SPECC1: variants seen among roughly 807,000 people sequenced by gnomAD.
The protein encoded by SPECC1 is cytospin-B.
Under a neutral mutation model 104.1 loss-of-function variants are expected in SPECC1, and 62 were observed. The ratio of observed to expected loss-of-function variants is 0.60; its 90% CI spans 0.49 to 0.74. The LOEUF is 0.74. Ranked by LOEUF, SPECC1 falls within the 30% of genes least tolerant of loss-of-function variation. The pLI, the probability that SPECC1 is intolerant of heterozygous loss-of-function variation, is 0.00. For synonymous variants in SPECC1, 513 were observed against 501.6 expected (o/e 1.02, Z -0.30); for missense variants, 1,306 against 1,310.5 (o/e 1.00, Z 0.05).
intron 3 of SPECC1, among the ~76,000 whole-genome samples, chr17:20,114,288 T>C (rs1437633352): frequency 2.6e-5 from 4 of 152,002 alleles, no homozygotes; most frequent in African/African-American, 9.7e-5. Context: ...GCCTCCTGGG[T>C]TCAAGCGATT....
intron 1 of SPECC1, among the ~76,000 whole-genome samples, chr17:20,049,911 A>G (rs1435506095): frequency 1.3e-5 from 2 of 151,892 alleles, no homozygotes; most frequent in African/African-American, 2.4e-5. Flanking sequence ...TGTGCCTCCC[A>G]GATTAAAGCT....
At chr17:20,050,442 C>T (rs1176844405) in intron 1 of SPECC1, among the ~76,000 whole-genome samples, 1 of 152,160 alleles carries the variant, frequency 6.6e-6, no homozygotes, top group Non-Finnish European at 1.5e-5. Flanking sequence ...GTACCAATAT[C>T]AAACCTTTTA....
At chr17:20,283,767 T>C (rs2040853401) in intron 12 of SPECC1, among the ~76,000 whole-genome samples, 2 of 152,170 alleles carry the variant, frequency 1.3e-5, no homozygotes, top group South Asian at 4.2e-4. Context: ...TTGTATTTTT[T>C]TGGTAGAGAT....
chr17:20,056,392 T>C, intron 1 of SPECC1: 1 of 187,924 alleles, frequency 5.3e-6, no homozygotes, highest in Non-Finnish European at 1.1e-5. Context: ...CAGCAAGGAC[T>C]GGCGTCCGGA....
chr17:20,232,436 G>C (rs769276312), intron 7 of SPECC1, 31 bp downstream of exon 7: 3 of 1,573,084 alleles, frequency 1.9e-6, no homozygotes, highest in South Asian at 1.1e-5. Context: ...GGCCGTGCTT[G>C]CTTCTCAATC....
At chr17:20,129,389 C>T (rs552710238) in intron 3 of SPECC1, among the ~76,000 whole-genome samples, 4 of 151,642 alleles carry the variant, frequency 2.6e-5, no homozygotes, top group Non-Finnish European at 5.9e-5. Context: ...GGTTTTACCC[C>T]GTGTTAGCCA....
chr17:20,017,255 C>G (rs1423175215), intron 1 of SPECC1: 1 of 152,354 alleles, frequency 6.6e-6, no homozygotes, highest in Non-Finnish European at 1.5e-5. Flanking sequence ...ATATGAGCTG[C>G]AACACACACC....
chr17:20,069,010 C>A (rs146405792), intron 1 of SPECC1, among the ~76,000 whole-genome samples: 2 of 152,200 alleles, frequency 1.3e-5, no homozygotes, highest in African/African-American at 4.8e-5. Context: ...GAAGGTTTAT[C>A]ACATAGGTAA....
At chr17:20,042,649 T>A (rs1489886999) in intron 1 of SPECC1, among the ~76,000 whole-genome samples, 1 of 152,360 alleles carries the variant, frequency 6.6e-6, no homozygotes. Context: ...TGCTGGTAAA[T>A]GGGCAGTTAC....
chr17:20,145,179 TG>T (rs2152563036), intron 3 of SPECC1, among the ~76,000 whole-genome samples: 1 of 152,334 alleles, frequency 6.6e-6, no homozygotes, highest in South Asian at 2.1e-4. Flanking sequence ...AGTGCTTCAG[TG>T]GCAACAGGCC....
At chr17:20,064,979 C>A (rs1407494940) in intron 1 of SPECC1, among the ~76,000 whole-genome samples, 1 of 152,094 alleles carries the variant, frequency 6.6e-6, no homozygotes, top group Non-Finnish European at 1.5e-5. Flanking sequence ...TAGAAATGAG[C>A]AGTTATAGTC....
chr17:20,251,872 A>T (rs1461175302), intron 9 of SPECC1, among the ~76,000 whole-genome samples: 2 of 152,216 alleles, frequency 1.3e-5, no homozygotes, highest in African/African-American at 4.8e-5. Context: ...TAAAGAAAAT[A>T]AGGCACAGAA....
intron 3 of SPECC1, among the ~76,000 whole-genome samples, chr17:20,158,246 AAGG>A (rs1323833742): frequency 1.3e-5 from 2 of 152,172 alleles, no homozygotes; most frequent in Non-Finnish European, 2.9e-5. Flanking sequence ...GGGGAAGCAG[AAGG>A]AGAAGGGAGG....
intron 12 of SPECC1, among the ~76,000 whole-genome samples, chr17:20,272,339 A>ATT (rs35441010): frequency 6.7e-6 from 1 of 148,356 alleles, no homozygotes; most frequent in African/African-American, 2.5e-5. Flanking sequence ...TTAATTTTGC[A>ATT]TTTTTTTTTT....
chr17:20,025,449 A>C (rs1374080788), intron 1 of SPECC1, among the ~76,000 whole-genome samples: 1 of 152,120 alleles, frequency 6.6e-6, no homozygotes, highest in East Asian at 1.9e-4. Flanking sequence ...GTCATTTCCG[A>C]TGCATGGAAT....
chr17:20,021,704 T>TA (rs1567797580), intron 1 of SPECC1, among the ~76,000 whole-genome samples: 17 of 139,566 alleles, frequency 1.2e-4, no homozygotes, highest in African/African-American at 4.7e-4. Context: ...ATATATATAT[T>TA]TTTTTGTACT....
At chr17:20,023,082 C>T (rs2044459377) in intron 1 of SPECC1, among the ~76,000 whole-genome samples, 1 of 152,054 alleles carries the variant, frequency 6.6e-6, no homozygotes. Flanking sequence ...GAGTTCTAAA[C>T]GAGGGATCTG....
At chr17:20,262,448 C>G (rs1247500018) in intron 12 of SPECC1, among the ~76,000 whole-genome samples, 1 of 152,176 alleles carries the variant, frequency 6.6e-6, no homozygotes, top group Non-Finnish European at 1.5e-5. Context: ...TCTGCATTCA[C>G]ATCAACACTT....
chr17:20,169,073 A>G (rs887161716), intron 3 of SPECC1, among the ~76,000 whole-genome samples: 5 of 152,070 alleles, frequency 3.3e-5, no homozygotes, highest in Non-Finnish European at 5.9e-5. Flanking sequence ...GGGTTTCACT[A>G]TGTTGCCCAG....
Sources: allele counts gnomAD v4.1 joint callset (sites outside exome capture counted in the v4.1 genomes callset), GRCh38; gene constraint gnomAD v4.1.1; transcripts MANE v1.5; gene names NCBI Gene and HGNC (gene_info 2026-07-23, HGNC 2026-07-21).